Variants in ACAP2 observed in about 807,000 individuals in gnomAD.
ACAP2 encodes the protein ArfGAP with coiled-coil, ankyrin repeat and PH domains 2.
Under a neutral mutation model 115.8 loss-of-function variants are expected in ACAP2, and 39 were observed. The ratio of observed to expected loss-of-function variants is 0.34; its 90% confidence interval spans 0.26 to 0.44. The LOEUF is 0.44. Among genes scored for constraint, ACAP2 ranks in the 20% least tolerant of loss-of-function variants. The probability of loss-of-function intolerance (pLI) is 1.00; values close to 1 mark genes in which losing one functional copy is unlikely to be tolerated. For missense variants in ACAP2, 662 were observed against 927.6 expected, an observed-to-expected ratio of 0.71 and a Z score of 3.72; for synonymous variants, 289 against 315.8, an observed-to-expected ratio of 0.92 and a Z score of 0.90.
chr3:195,392,569 A>G (rs141316324), intron 1 of ACAP2, among the ~76,000 whole-genome samples: 2 of 152,352 alleles, frequency 1.3e-5, no homozygotes, highest in Non-Finnish European at 2.9e-5. Flanking sequence ...AGCTCAGAAC[A>G]ATACCACCCT....
intron 11 of ACAP2, among the ~76,000 whole-genome samples, chr3:195,308,242 T>C (rs1053792021): frequency 6.6e-6 from 1 of 152,168 alleles, no homozygotes; most frequent in African/African-American, 2.4e-5. Flanking sequence ...TGTGACATTA[T>C]TTAAAAGGCA....
intron 16 of ACAP2, among the ~76,000 whole-genome samples, chr3:195,296,715 C>T (rs539909231): frequency 6.6e-6 from 1 of 152,186 alleles, no homozygotes; most frequent in South Asian, 2.1e-4. Flanking sequence ...CAATCAAGTA[C>T]TCTCCCCCTT....
At chr3:195,293,756 C>T (rs1014833991) in intron 18 of ACAP2, among the ~76,000 whole-genome samples, 7 of 151,788 alleles carry the variant, frequency 4.6e-5, no homozygotes, top group Non-Finnish European at 8.8e-5. Flanking sequence ...AGGAGAACTG[C>T]GTGAACAGAA....
At position 195,315,713 on chromosome 3, in the gene ACAP2, C is replaced by G. The variant is rs113048298; in HGVS notation, c.857+4988G>C. Among the ~76,000 whole-genome samples, 89 of 152,312 alleles carry G rather than the reference C, an allele frequency of 5.8e-4. 1 individual carries two copies. Among genetic ancestry groups the G allele is most frequent in the African/African-American group, 2.0e-3 (85 of 41,570 alleles). On this transcript the variant is annotated intron_variant, in intron 10 of 22. Transcript: ENST00000326793. Reference sequence around the variant, plus strand: ...ATTCTAGTCAATAACTGCCATTTCACTACACATAGATGGCATCTCCTTTAA... The same window carrying G: ...ATTCTAGTCAATAACTGCCATTTCAGTACACATAGATGGCATCTCCTTTAA...
intron 4 of ACAP2, among the ~76,000 whole-genome samples, chr3:195,374,532 T>C (rs969296466): frequency 4.6e-5 from 7 of 152,216 alleles, no homozygotes; most frequent in African/African-American, 1.7e-4. Context: ...TCTAATTACA[T>C]GTGAGAGAGG....
chr3:195,397,086 T>C (rs1711855556), intron 1 of ACAP2, among the ~76,000 whole-genome samples: 1 of 152,170 alleles, frequency 6.6e-6, no homozygotes, highest in Admixed American at 6.5e-5. Flanking sequence ...AATCATCAAA[T>C]AGAAATAAAT....
intron 1 of ACAP2, among the ~76,000 whole-genome samples, chr3:195,435,638 T>C (rs1262176859): frequency 6.6e-6 from 1 of 152,214 alleles, no homozygotes; most frequent in Non-Finnish European, 1.5e-5. Context: ...GTACTGCTAA[T>C]TTCTACATAT....
intron 22 of ACAP2, chr3:195,279,681 G>C (rs926944400): frequency 7.0e-6 from 2 of 285,642 alleles, no homozygotes; most frequent in Admixed American, 5.1e-5. Context: ...AAAGAGCAAA[G>C]ATGCAAGTGT....
chr3:195,423,384 A>G (rs1475480985), intron 1 of ACAP2, among the ~76,000 whole-genome samples: 1 of 152,132 alleles, frequency 6.6e-6, no homozygotes, highest in Admixed American at 6.5e-5. Flanking sequence ...GCACTTTGGG[A>G]GGCCGAGGCA....
At chr3:195,349,788 A>G in intron 4 of ACAP2, 1 of 328,152 alleles carries the variant, frequency 3.0e-6, no homozygotes, top group Non-Finnish European at 6.0e-6. Flanking sequence ...GCCCTCAGGC[A>G]CTCAAAGAGA....
At position 195,442,789 on chromosome 3, in the gene ACAP2, G is replaced by T. The variant is rs767838248; in HGVS notation, c.53+6C>A. The T allele has an allele frequency of 2.6e-6, 4 of 1,528,572 alleles. No individual in the cohort carries two copies. In the South Asian group the frequency reaches 3.7e-5, roughly 14 times the overall value. 94.7% of individuals were successfully genotyped at this position (1,528,572 alleles called of 1,614,324 possible). On this transcript the variant is annotated splice_donor_region_variant and intron_variant, in intron 1 of 22. Coordinates refer to ENST00000326793, the MANE Select transcript of ACAP2 (RefSeq NM_012287.6). ...CGCGGTGACGCCGGGCGGCCGTGCC[G>T]GTTACCTGAAGCGGGGCGAGTCCTT...
chr3:195,335,899 T>G (rs1421794329), intron 7 of ACAP2: 3 of 142,356 alleles, frequency 2.1e-5, no homozygotes, highest in Non-Finnish European at 3.1e-5. Context: ...TGGCTTTTTT[T>G]TTTTTTTTTT....
chr3:195,331,859 G>T (rs905076377), intron 8 of ACAP2, among the ~76,000 whole-genome samples: 6 of 151,976 alleles, frequency 3.9e-5, no homozygotes, highest in Admixed American at 6.6e-5. Context: ...TAGCCACCAG[G>T]CACAGTGGCT....
At chr3:195,279,585 G>A in intron 22 of ACAP2, 157 bp from the exon 23 acceptor site, 9 of 415,436 alleles carry the variant, frequency 2.2e-5, no homozygotes, top group South Asian at 1.6e-4. Flanking sequence ...AATAAATGCT[G>A]AAAAATTATG....
intron 4 of ACAP2, among the ~76,000 whole-genome samples, chr3:195,355,181 T>C (rs528476932): frequency 6.6e-6 from 1 of 152,224 alleles, no homozygotes; most frequent in African/African-American, 2.4e-5. Flanking sequence ...AATACTTCCA[T>C]TAGTGTGAAA....
intron 5 of ACAP2, among the ~76,000 whole-genome samples, chr3:195,344,799 G>A (rs1731095281): frequency 1.3e-5 from 2 of 152,194 alleles, no homozygotes; most frequent in East Asian, 1.9e-4. Flanking sequence ...GATTACAGGC[G>A]TGAGCCACTG....
At chr3:195,313,245 C>A (rs978424201) in intron 10 of ACAP2, among the ~76,000 whole-genome samples, 1 of 152,162 alleles carries the variant, frequency 6.6e-6, no homozygotes, top group African/African-American at 2.4e-5. Flanking sequence ...TACTACATTA[C>A]AGGAAGTTCT....
intron 1 of ACAP2, among the ~76,000 whole-genome samples, chr3:195,420,678 C>T (rs1398822880): frequency 6.8e-6 from 1 of 147,402 alleles, no homozygotes; most frequent in Non-Finnish European, 1.5e-5. Flanking sequence ...TGGAGTCTTG[C>T]TCTGTCTGGG....
intron 19 of ACAP2, 119 bp from the exon 20 acceptor site, chr3:195,291,934 C>T (rs1433392426): frequency 8.4e-6 from 7 of 832,170 alleles, no homozygotes; most frequent in South Asian, 6.9e-5. Context: ...TCCTTCTCTC[C>T]AAAACAAAAA....
Sources: allele counts gnomAD v4.1 joint callset (sites outside exome capture counted in the v4.1 genomes callset), GRCh38; gene constraint gnomAD v4.1.1; transcripts MANE v1.5; gene names NCBI Gene and HGNC (gene_info 2026-07-23, HGNC 2026-07-21).